The following DDAH1 variants were observed in gnomAD, a reference collection of about 807,000 sequenced individuals.
DDAH1 encodes the protein dimethylarginine dimethylaminohydrolase 1, also known as N(G),N(G)-dimethylarginine dimethylaminohydrolase 1.
A neutral mutation model predicts 28.8 loss-of-function variants in DDAH1; 19 were observed. That is an observed-to-expected ratio of 0.66 (90% CI 0.46 to 0.97). The LOEUF (loss-of-function observed/expected upper bound fraction) is 0.97, where lower values mean the gene tolerates loss of function less well. Among genes scored for constraint, DDAH1 ranks in the 50% least tolerant of loss-of-function variants. The pLI, the probability that DDAH1 is intolerant of heterozygous loss-of-function variation, is 0.00. For missense variants in DDAH1, 326 were observed against 375.9 expected (o/e 0.87, Z 1.10); for synonymous variants, 153 against 154.4 (o/e 0.99, Z 0.07).
At chr1:85,514,898 T>A (rs1657413901) in intron 1 of DDAH1, among the ~76,000 whole-genome samples, 1 of 151,838 alleles carries the variant, frequency 6.6e-6, no homozygotes, top group Admixed American at 6.6e-5. Context: ...AACAGGAACA[T>A]TGTTTACTGT....
chr1:85,397,036 T>TA (rs34296620), intron 1 of DDAH1, among the ~76,000 whole-genome samples: 5,731 of 145,512 alleles, frequency 0.039, 380 homozygotes, highest in African/African-American at 0.14. Context: ...GACCCTGTCT[T>TA]AAAAAAAAAA....
chr1:85,510,951 G>T (rs1247563399), intron 1 of DDAH1, among the ~76,000 whole-genome samples: 1 of 152,064 alleles, frequency 6.6e-6, no homozygotes, highest in African/African-American at 2.4e-5. Context: ...AGAGACAGAA[G>T]GTTAACAAGG....
intron 1 of DDAH1, among the ~76,000 whole-genome samples, chr1:85,558,336 T>C (rs1659043195): frequency 6.6e-6 from 1 of 152,220 alleles, no homozygotes; most frequent in Non-Finnish European, 1.5e-5. Context: ...CACTCCAGCC[T>C]GGGCGAAGGA....
intron 1 of DDAH1, among the ~76,000 whole-genome samples, chr1:85,454,513 G>T (rs1654799569): frequency 6.6e-6 from 1 of 152,320 alleles, no homozygotes; most frequent in East Asian, 1.9e-4. Flanking sequence ...TAAAGAGGCT[G>T]AATGGTGCAA....
intron 1 of DDAH1, among the ~76,000 whole-genome samples, chr1:85,382,741 C>G (rs1433653023): frequency 6.6e-6 from 1 of 152,140 alleles, no homozygotes; most frequent in Admixed American, 6.5e-5. Context: ...AGCTGGTTAC[C>G]TTAAATTAAA....
chr1:85,527,214 C>T (rs574419797), intron 1 of DDAH1, among the ~76,000 whole-genome samples: 38 of 152,318 alleles, frequency 2.5e-4, no homozygotes, highest in Non-Finnish European at 4.3e-4. Context: ...CTGTCCTCAT[C>T]TACCCCTTGA....
In DDAH1 at chr1:85,356,102, T is replaced by C. The variant is rs1296044075; in HGVS notation, c.403+2646A>G. Among the ~76,000 whole-genome samples the C allele has an allele frequency of 2.0e-5, 3 of 152,246 alleles. No individual in the cohort carries two copies. In the East Asian group the frequency reaches 5.8e-4, roughly 29 times the overall value. On this transcript the variant is annotated intron_variant, in intron 2 of 5. Transcript: ENST00000284031. ...GGGGTGTCTATGGTCCTGGCAATGT[T>C]CTACTTCTTAAGTCAGGAGGTGGAC... is the stretch of plus-strand genomic sequence containing the variant.
In DDAH1 at chr1:85,321,003, TAA is replaced by T. The variant is rs528649210; in HGVS notation, c.*447_*448del. On this transcript the variant is annotated 3_prime_UTR_variant, in exon 6 of 6. Transcript: ENST00000284031. ...CTAACTGAATTTCAGAATTCAGAAG[TAA>T]AAGAGAAAGGAGGAGGATCCCTGGA... The T allele has an allele frequency of 3.3e-5, 4 of 120,382 alleles. No homozygotes were observed. Among genetic ancestry groups the T allele is most frequent in the African/African-American group, 1.3e-4 (4 of 30,588 alleles). The allele number at this position is 120,382 out of a possible 1,614,324, so 7.5% of individuals were successfully genotyped here.
chr1:85,526,493 G>C (rs1413013624), intron 1 of DDAH1, among the ~76,000 whole-genome samples: 3 of 152,216 alleles, frequency 2.0e-5, no homozygotes, highest in Non-Finnish European at 4.4e-5. Flanking sequence ...GGATCTAGGT[G>C]TGTGATCACA....
At chr1:85,339,942 G>A (rs773928956) in intron 4 of DDAH1, among the ~76,000 whole-genome samples, 1 of 152,170 alleles carries the variant, frequency 6.6e-6, no homozygotes, top group Non-Finnish European at 1.5e-5. Flanking sequence ...TGTGATGTAC[G>A]ATCTCAGCCC....
intron 1 of DDAH1, among the ~76,000 whole-genome samples, chr1:85,391,184 T>A (rs1651532348): frequency 1.3e-5 from 2 of 152,226 alleles, no homozygotes; most frequent in African/African-American, 4.8e-5. Flanking sequence ...AAATGCTTTC[T>A]TTATAAGAAA....
chr1:85,444,295 C>G (rs1236938779), intron 1 of DDAH1, among the ~76,000 whole-genome samples: 3 of 152,124 alleles, frequency 2.0e-5, no homozygotes, highest in African/African-American at 4.8e-5. Flanking sequence ...GTCTTTGGTT[C>G]TGTTTACAGG....
intron 1 of DDAH1, among the ~76,000 whole-genome samples, chr1:85,522,703 T>G (rs1294313099): frequency 6.6e-6 from 1 of 152,174 alleles, no homozygotes; most frequent in African/African-American, 2.4e-5. Context: ...GGTCTTATAT[T>G]GGATAACAGT....
chr1:85,528,507 CTTACA>C (rs1657949411), intron 1 of DDAH1, among the ~76,000 whole-genome samples: 1 of 150,660 alleles, frequency 6.6e-6, no homozygotes, highest in African/African-American at 2.4e-5. Flanking sequence ...CTATATTTTA[CTTACA>C]TTAGTTATGA....
At chr1:85,431,802 TAGAC>T (rs1653699301) in intron 1 of DDAH1, among the ~76,000 whole-genome samples, 2 of 152,302 alleles carry the variant, frequency 1.3e-5, no homozygotes, top group East Asian at 1.9e-4. Flanking sequence ...CTTCATAAAA[TAGAC>T]AGAAGGGTCA....
intron 4 of DDAH1, among the ~76,000 whole-genome samples, chr1:85,339,062 A>AATATAT (rs1553123153): frequency 7.5e-6 from 1 of 133,714 alleles, no homozygotes; most frequent in Non-Finnish European, 1.6e-5. Context: ...AAAAAAAAAA[A>AATATAT]ATATATATAT....
intron 1 of DDAH1, among the ~76,000 whole-genome samples, chr1:85,390,127 C>G (rs1651475481): frequency 6.6e-6 from 1 of 152,176 alleles, no homozygotes; most frequent in Admixed American, 6.5e-5. Context: ...TGTCCTCACC[C>G]TATTTGCTGG....
At chr1:85,459,861 A>G (rs914312242) in intron 1 of DDAH1, among the ~76,000 whole-genome samples, 2 of 152,256 alleles carry the variant, frequency 1.3e-5, no homozygotes, top group Admixed American at 1.3e-4. Context: ...GAAGTAAAAT[A>G]ATTCACTTAG....
intron 1 of DDAH1, among the ~76,000 whole-genome samples, chr1:85,551,182 G>A (rs1658777485): frequency 6.6e-6 from 1 of 152,216 alleles, no homozygotes; most frequent in African/African-American, 2.4e-5. Context: ...TGACAATCCA[G>A]GGGACTACAT....
Sources: gnomAD v4.1 joint callset for allele counts (sites outside exome capture counted in the v4.1 genomes callset) on GRCh38, gnomAD v4.1.1 for gene constraint, MANE v1.5 for transcripts, NCBI Gene and HGNC (gene_info 2026-07-23, HGNC 2026-07-21) for gene names.